The following TENM3 variants were observed in gnomAD, a reference collection of about 807,000 sequenced individuals.
TENM3 encodes teneurin-3.
Under a neutral mutation model 255.1 loss-of-function variants are expected in TENM3, and 63 were observed. The observed-to-expected ratio is 0.25, with a 90% CI of 0.20 to 0.30. The LOEUF (loss-of-function observed/expected upper bound fraction) is 0.30. Ranked by LOEUF, TENM3 falls within the 10% of genes least tolerant of loss-of-function variation. TENM3 has a pLI of 1.00. For synonymous variants in TENM3, 1,306 were observed against 1,322.3 expected (o/e 0.99, Z 0.27); for missense variants, 2,929 against 3,461.1 (o/e 0.85, Z 3.86).
the TENM3 span, among the ~76,000 whole-genome samples, chr4:181,715,939 C>T: frequency 5.3e-5 from 8 of 152,212 alleles, no homozygotes; most frequent in Non-Finnish European, 1.2e-4. Context: ...GTTCATCAGT[C>T]ACATGGTCAT....
chr4:182,238,998 C>A (rs1197282036), upstream of TENM3, among the ~76,000 whole-genome samples: 2 of 150,716 alleles, frequency 1.3e-5, no homozygotes, highest in South Asian at 2.1e-4. Context: ...AAAATAAAAT[C>A]TCCCCAAGAA....
At chr4:181,638,432 T>G in the TENM3 span, among the ~76,000 whole-genome samples, 8 of 152,228 alleles carry the variant, frequency 5.3e-5, no homozygotes, top group South Asian at 2.1e-4. Flanking sequence ...ACCCAGTATT[T>G]CTTTTAAGAA....
chr4:182,330,850 A>G (rs1284810919), intron 2 of TENM3, among the ~76,000 whole-genome samples: 1 of 152,226 alleles, frequency 6.6e-6, no homozygotes, highest in Non-Finnish European at 1.5e-5. Context: ...AGAAGGCTGG[A>G]ACTAAAAGCA....
chr4:181,862,748 G>A, the TENM3 span, among the ~76,000 whole-genome samples: 17 of 151,782 alleles, frequency 1.1e-4, no homozygotes, highest in Admixed American at 5.9e-4. Flanking sequence ...TTCTATTATC[G>A]TTCCTCAATT....
At chr4:182,137,615 C>T in the TENM3 span, among the ~76,000 whole-genome samples, 1 of 152,158 alleles carries the variant, frequency 6.6e-6, no homozygotes, top group Non-Finnish European at 1.5e-5. Context: ...ATTCAGTTCC[C>T]TGCTGTGCTC....
intron 1 of TENM3, among the ~76,000 whole-genome samples, chr4:182,192,432 G>T (rs1001189712): frequency 6.6e-6 from 1 of 152,192 alleles, no homozygotes; most frequent in African/African-American, 2.4e-5. Flanking sequence ...TTTATTGACT[G>T]GTTTTTGATG....
intron 1 of TENM3, among the ~76,000 whole-genome samples, chr4:182,231,621 TC>T (rs748040680): frequency 6.6e-6 from 1 of 152,168 alleles, no homozygotes; most frequent in Non-Finnish European, 1.5e-5. Context: ...GCAGGAATGT[TC>T]CTGCCTCTCG....
chr4:181,467,544 A>T, the TENM3 span, among the ~76,000 whole-genome samples: 1 of 152,152 alleles, frequency 6.6e-6, no homozygotes, highest in East Asian at 1.9e-4. Flanking sequence ...AAATTAAAAA[A>T]TTTAGTATGG....
At chr4:181,977,858 A>T in the TENM3 span, among the ~76,000 whole-genome samples, 3 of 152,184 alleles carry the variant, frequency 2.0e-5, no homozygotes, top group Non-Finnish European at 4.4e-5. Flanking sequence ...AGAAGTAATC[A>T]GAGAGAATCA....
intron 5 of TENM3, among the ~76,000 whole-genome samples, chr4:182,641,436 AAAAAGCC>A (rs1752299332): frequency 6.6e-6 from 1 of 152,234 alleles, no homozygotes; most frequent in Admixed American, 6.5e-5. Context: ...ACCATTTTTT[AAAAAGCC>A]AAAACAAGTG....
the TENM3 span, among the ~76,000 whole-genome samples, chr4:181,747,317 C>G: frequency 6.6e-6 from 1 of 152,040 alleles, no homozygotes; most frequent in South Asian, 2.1e-4. Context: ...TATAAATTGC[C>G]TTTCTTAAAT....
chr4:182,479,404 A>G (rs1418810901), intron 3 of TENM3, among the ~76,000 whole-genome samples: 1 of 151,856 alleles, frequency 6.6e-6, no homozygotes, highest in Non-Finnish European at 1.5e-5. Context: ...ACGATTATAA[A>G]TATATTTATT....
At chr4:182,173,776 A>T (rs1752260220) in intron 1 of TENM3, among the ~76,000 whole-genome samples, 1 of 152,178 alleles carries the variant, frequency 6.6e-6, no homozygotes, top group Non-Finnish European at 1.5e-5. Context: ...TGTTACGTAA[A>T]TCCAGCAGCG....
At chr4:181,685,559 C>T in the TENM3 span, among the ~76,000 whole-genome samples, 1 of 152,290 alleles carries the variant, frequency 6.6e-6, no homozygotes, top group Admixed American at 6.5e-5. Context: ...AGTAATACCT[C>T]AACAAGATGG....
intron 4 of TENM3, among the ~76,000 whole-genome samples, chr4:182,610,177 G>A (rs897061711): frequency 6.6e-6 from 1 of 152,192 alleles, no homozygotes; most frequent in Non-Finnish European, 1.5e-5. Flanking sequence ...ATATGTAACA[G>A]TGATAATATG....
intron 1 of TENM3, among the ~76,000 whole-genome samples, chr4:182,177,889 G>T (rs929284222): frequency 6.7e-6 from 1 of 149,962 alleles, no homozygotes; most frequent in African/African-American, 2.4e-5. Context: ...GAAGTCAAGG[G>T]ATTTAATCTA....
chr4:181,522,772 A>T, the TENM3 span: 1 of 778,288 alleles, frequency 1.3e-6, no homozygotes, highest in Non-Finnish European at 2.3e-6. Flanking sequence ...GTAAATGGAG[A>T]ACAACTGGAT....
chr4:181,571,145 G>A, the TENM3 span, among the ~76,000 whole-genome samples: 7 of 152,046 alleles, frequency 4.6e-5, no homozygotes, highest in Non-Finnish European at 1.0e-4. Flanking sequence ...AATTGTGTTC[G>A]CCACTGTGGG....
chr4:182,053,107 C>A, the TENM3 span, among the ~76,000 whole-genome samples: 5 of 152,096 alleles, frequency 3.3e-5, no homozygotes, highest in African/African-American at 1.2e-4. Flanking sequence ...GTGAGTGCCA[C>A]CTCTCCTGGC....
Sources: allele counts gnomAD v4.1 joint callset (sites outside exome capture counted in the v4.1 genomes callset), GRCh38; gene constraint gnomAD v4.1.1; transcripts MANE v1.5; gene names NCBI Gene and HGNC (gene_info 2026-07-23, HGNC 2026-07-21).